The following IGF2BP2 variants were observed in gnomAD, a reference collection of about 807,000 sequenced individuals.
The protein encoded by IGF2BP2 is insulin-like growth factor 2 mRNA-binding protein 2.
Under a neutral mutation model 75.8 loss-of-function variants are expected in IGF2BP2, and 17 were observed. That is an observed-to-expected ratio of 0.22 (90% confidence interval 0.15 to 0.34). The LOEUF (loss-of-function observed/expected upper bound fraction) is 0.34. Ranked by LOEUF, IGF2BP2 falls within the 10% of genes least tolerant of loss-of-function variation. The pLI is 1.00. For synonymous variants in IGF2BP2, 288 were observed against 295.6 expected (o/e 0.97, Z 0.26); for missense variants, 516 against 772.4 (o/e 0.67, Z 3.93).
intron 2 of IGF2BP2, among the ~76,000 whole-genome samples, chr3:185,733,939 A>C (rs1441545827): frequency 6.6e-6 from 1 of 152,180 alleles, no homozygotes; most frequent in African/African-American, 2.4e-5. Context: ...TAATTCACTC[A>C]CCTTGCAATT....
chr3:185,722,317 G>A (rs1726694756), intron 2 of IGF2BP2: 1 of 449,518 alleles, frequency 2.2e-6, no homozygotes, highest in Non-Finnish European at 4.4e-6. Context: ...ACTGCAGAGA[G>A]ATATAAGATG....
In IGF2BP2 at chr3:185,681,184, T is replaced by C. The variant is rs577880053; in HGVS notation, c.813-5271A>G. On this transcript the variant is annotated intron_variant, in intron 7 of 15. Transcript: ENST00000382199. ...TTCACAGATGACACGATTTTATATGTAGAAAGCCTTAAAGATTTTACAAAA... is the reference window on the plus strand; with the variant it reads ...TTCACAGATGACACGATTTTATATGCAGAAAGCCTTAAAGATTTTACAAAA... 2.0e-5 allele frequency among the ~76,000 whole-genome samples: 3 copies of C among 152,326 alleles called. No individual in the cohort carries two copies. The South Asian group carries it at 6.2e-4, about 32-fold the overall frequency.
At chr3:185,805,042 A>AACATCCACC (rs1242732230) in intron 2 of IGF2BP2, among the ~76,000 whole-genome samples, 1 of 152,108 alleles carries the variant, frequency 6.6e-6, no homozygotes, top group Non-Finnish European at 1.5e-5. Context: ...CGAACTGAAC[A>AACATCCACC]ACATCCACCA....
chr3:185,713,535 G>A (rs1209442796), intron 2 of IGF2BP2: 1 of 513,984 alleles, frequency 1.9e-6, no homozygotes, highest in Admixed American at 2.0e-5. Flanking sequence ...GGAGTGGGGA[G>A]TGCTGGTGAG....
At chr3:185,713,605 C>A (rs556200404) in intron 2 of IGF2BP2, 57 of 431,246 alleles carry the variant, frequency 1.3e-4, no homozygotes, top group African/African-American at 1.1e-3. Flanking sequence ...TTTAACATTG[C>A]GATTCTGTGG....
intron 2 of IGF2BP2, among the ~76,000 whole-genome samples, chr3:185,793,369 C>G (rs1415282159): frequency 6.6e-6 from 1 of 152,080 alleles, no homozygotes; most frequent in Non-Finnish European, 1.5e-5. Context: ...AGTGATAGCC[C>G]ACATAAAGCA....
intron 12 of IGF2BP2, among the ~76,000 whole-genome samples, chr3:185,654,911 C>G (rs1715182352): frequency 6.6e-6 from 1 of 152,218 alleles, no homozygotes. Context: ...TAGCTCAGCC[C>G]ACCTCCTCTG....
In IGF2BP2 at chr3:185,713,068, ATATG is replaced by A. The variant is rs200003186; in HGVS notation, c.240-14725_240-14722del. Among the ~76,000 whole-genome samples, 1,259 of 148,816 alleles carry A rather than the reference ATATG, an allele frequency of 8.5e-3. 17 individuals are homozygous for A. The highest frequency in any genetic ancestry group is 0.031 in the African/African-American group (1,198 of 39,198). On this transcript the variant is annotated intron_variant, in intron 2 of 15. Transcript: ENST00000382199. ...GGGTGTTGCATAGCCTGCCCTACAGATATGTATGTGTGTGTGTGTGTGTGTGTGT... is the reference window on the plus strand; with the variant it reads ...GGGTGTTGCATAGCCTGCCCTACAGATATGTGTGTGTGTGTGTGTGTGTGT...
intron 7 of IGF2BP2, 131 bp downstream of exon 7, chr3:185,686,926 A>C (rs1721216959): frequency 9.8e-7 from 1 of 1,016,648 alleles, no homozygotes; most frequent in African/African-American, 1.6e-5. Flanking sequence ...AAATTTCTTA[A>C]ACACAATCCC....
chr3:185,789,727 ATTTTT>A (rs10602691), intron 2 of IGF2BP2, among the ~76,000 whole-genome samples: 4,044 of 111,620 alleles, frequency 0.036, 134 homozygotes, highest in African/African-American at 0.13. Context: ...ACAACCAGGA[ATTTTT>A]TTTTTTTTTT....
rs3889542 is a variant in IGF2BP2, at chr3:185,703,587, T to C, written c.240-5240A>G. ...GAGTTCGAGACCAGCCTGGCCAACA[T>C]GGTGAAACCCTATCTCTATCAAAAA... is the stretch of plus-strand genomic sequence containing the variant. On this transcript the variant is annotated intron_variant, in intron 2 of 15. Coordinates refer to ENST00000382199, the MANE Select transcript of IGF2BP2 (RefSeq NM_006548.6). Among the ~76,000 whole-genome samples, 450 of 151,806 alleles carry C rather than the reference T, an allele frequency of 3.0e-3. 2 individuals are homozygous for C. The highest frequency in any genetic ancestry group is 0.01 in the African/African-American group (423 of 41,406).
intron 2 of IGF2BP2, among the ~76,000 whole-genome samples, chr3:185,812,476 A>C (rs1740032030): frequency 6.6e-6 from 1 of 152,200 alleles, no homozygotes; most frequent in African/African-American, 2.4e-5. Context: ...TTGTTACCAA[A>C]ATGAAAGTGA....
chr3:185,822,215 C>T (rs950593688), intron 2 of IGF2BP2, among the ~76,000 whole-genome samples: 6 of 152,118 alleles, frequency 3.9e-5, no homozygotes, highest in African/African-American at 1.4e-4. Context: ...GGTGGTTAAA[C>T]TATTGACTGA....
intron 7 of IGF2BP2, among the ~76,000 whole-genome samples, chr3:185,679,487 C>T (rs970892620): frequency 6.6e-6 from 1 of 152,034 alleles, no homozygotes; most frequent in African/African-American, 2.4e-5. Flanking sequence ...ATTCTATGTA[C>T]CAAAATTACT....
At chr3:185,681,743 T>C (rs1397183303) in intron 7 of IGF2BP2, among the ~76,000 whole-genome samples, 3 of 152,074 alleles carry the variant, frequency 2.0e-5, no homozygotes, top group Non-Finnish European at 4.4e-5. Flanking sequence ...TGAAATAGAA[T>C]AGAGCCCAGA....
chr3:185,659,847 T>G (rs1253389043), intron 10 of IGF2BP2, among the ~76,000 whole-genome samples: 2 of 151,602 alleles, frequency 1.3e-5, no homozygotes, highest in South Asian at 4.2e-4. Flanking sequence ...TAGGCTGGAG[T>G]GCAGTGGCGC....
chr3:185,698,149 C>A (rs977073209), intron 3 of IGF2BP2, 150 bp downstream of exon 3: 13 of 647,360 alleles, frequency 2.0e-5, no homozygotes, highest in African/African-American at 7.3e-5. Context: ...AAACTCATTA[C>A]AGATCACATA....
intron 2 of IGF2BP2, among the ~76,000 whole-genome samples, chr3:185,775,098 T>C (rs1439996339): frequency 6.6e-6 from 1 of 152,114 alleles, no homozygotes; most frequent in Admixed American, 6.5e-5. Flanking sequence ...AGCAAGTTAC[T>C]TAAGCTCTAT....
chr3:185,681,650 A>T (rs1357425912), intron 7 of IGF2BP2, among the ~76,000 whole-genome samples: 1 of 152,252 alleles, frequency 6.6e-6, no homozygotes, highest in East Asian at 1.9e-4. Flanking sequence ...TGAAGGGCTC[A>T]GACTTCCTGC....
Sources: gnomAD v4.1 joint callset for allele counts (sites outside exome capture counted in the v4.1 genomes callset) on GRCh38, gnomAD v4.1.1 for gene constraint, MANE v1.5 for transcripts, NCBI Gene and HGNC (gene_info 2026-07-23, HGNC 2026-07-21) for gene names.